The following NPLOC4 variants were observed in gnomAD, a reference collection of about 807,000 sequenced individuals.
NPLOC4 encodes the protein NPL4 homolog, ubiquitin recognition factor.
Under a neutral mutation model 80.6 loss-of-function variants are expected in NPLOC4, and 18 were observed. The ratio of observed to expected loss-of-function variants is 0.22; its 90% CI spans 0.15 to 0.33. The LOEUF (loss-of-function observed/expected upper bound fraction) is 0.33, where lower values mean the gene tolerates loss of function less well. Ranked by LOEUF, NPLOC4 falls within the 10% of genes least tolerant of loss-of-function variation. NPLOC4 has a pLI of 1.00. For missense variants in NPLOC4, 540 were observed against 786.1 expected (o/e 0.69, Z 3.74); for synonymous variants, 313 against 301.5 (o/e 1.04, Z -0.39).
chr17:81,575,933 A>C lies in NPLOC4; in HGVS notation c.1282-3845T>G, dbSNP rs185277471. On this transcript the variant is annotated intron_variant, in intron 12 of 16. Coordinates refer to ENST00000331134, the MANE Select transcript of NPLOC4 (RefSeq NM_017921.4). ...CCTGAATAATGCTGGAAGCAAACAC[A>C]ATCTCCTATGAGTGAAAAGGCTTGT... Among the ~76,000 whole-genome samples, 12 of 152,390 alleles carry C rather than the reference A, an allele frequency of 7.9e-5. No individual in the cohort carries two copies. The East Asian group carries it at 2.3e-3, about 29-fold the overall frequency.
At position 81,629,745 on chromosome 17, in the gene NPLOC4, C is replaced by T; in HGVS notation, c.76G>A (p.Ala26Thr). The change falls in exon 2 of 17, where the codon GCA (alanine) becomes ACA (threonine). Residue 26 changes from alanine to threonine, a missense_variant. Ala to Thr is a moderately conservative substitution (Grantham distance 58). Transcript: ENST00000331134. ...GATACCTTTTTCAAAAATGTTGCTG[C>T]TGTTTCTCTCTTTGTTGCTGTGATC... ...KRITATKRET[A>T]ATFLKKVAKE... 1 of 1,613,670 alleles carries T rather than the reference C, an allele frequency of 6.2e-7. No individual in the cohort carries two copies. Among genetic ancestry groups the T allele is most frequent in the Non-Finnish European group, 8.5e-7 (1 of 1,179,636 alleles).
At chr17:81,621,613 C>A (rs1474868014) in intron 3 of NPLOC4, among the ~76,000 whole-genome samples, 2 of 152,238 alleles carry the variant, frequency 1.3e-5, no homozygotes, top group Non-Finnish European at 2.9e-5. Context: ...GCAGGCCTCA[C>A]GGTCTATCAC....
At position 81,598,457 on chromosome 17, in the gene NPLOC4, G is replaced by A. The variant is rs566038278; in HGVS notation, c.922-1141C>T. Among the ~76,000 whole-genome samples the A allele has an allele frequency of 7.2e-5, 11 of 152,332 alleles. No individual in the cohort carries two copies. The South Asian group carries it at 2.1e-3, about 29-fold the overall frequency. On this transcript the variant is annotated intron_variant, in intron 9 of 16. Transcript: ENST00000331134. ...CAAGCAAGCAAATAAACATTTCAGA[G>A]AGTAGGTCTTTCCTGACAAGCTAAG... is the stretch of plus-strand genomic sequence containing the variant.
intron 8 of NPLOC4, among the ~76,000 whole-genome samples, chr17:81,604,315 T>C (rs1417043886): frequency 6.6e-6 from 1 of 152,068 alleles, no homozygotes; most frequent in Non-Finnish European, 1.5e-5. Context: ...GGATCAATAG[T>C]GGCAAATGTA....
chr17:81,633,052 C>A, intron 1 of NPLOC4, among the ~76,000 whole-genome samples: 1 of 151,094 alleles, frequency 6.6e-6, no homozygotes, highest in Admixed American at 6.6e-5. Flanking sequence ...ATGGCGTGAA[C>A]CCAGGAGGCA....
chr17:81,634,690 A>G (rs937349161), intron 1 of NPLOC4, among the ~76,000 whole-genome samples: 5 of 150,982 alleles, frequency 3.3e-5, no homozygotes, highest in African/African-American at 1.2e-4. Context: ...GGTTTGAGCG[A>G]TTCCCCTCCC....
At chr17:81,579,839 C>A (rs1348205933) in intron 12 of NPLOC4, among the ~76,000 whole-genome samples, 1 of 152,048 alleles carries the variant, frequency 6.6e-6, no homozygotes, top group Non-Finnish European at 1.5e-5. Context: ...TGAAACCCCC[C>A]GAAAGAGTCA....
intron 15 of NPLOC4, 57 bp from the exon 16 acceptor site, chr17:81,565,664 T>G: frequency 7.6e-7 from 1 of 1,315,376 alleles, no homozygotes; most frequent in Non-Finnish European, 1.0e-6. Context: ...AGCAGCTTCC[T>G]GCTAGAACAG....
At chr17:81,593,522 G>C (rs958626096) in intron 11 of NPLOC4, among the ~76,000 whole-genome samples, 1 of 151,564 alleles carries the variant, frequency 6.6e-6, no homozygotes, top group African/African-American at 2.4e-5. Context: ...TCTGTGTGTC[G>C]GCAGCCTACA....
chr17:81,580,320 C>T lies in NPLOC4; in HGVS notation c.1282-8232G>A, dbSNP rs973597186. On this transcript the variant is annotated intron_variant, in intron 12 of 16. Coordinates refer to ENST00000331134, the MANE Select transcript of NPLOC4 (RefSeq NM_017921.4). This position sits in a 1 kb window ranked among gnomAD's most constrained non-coding sequence, Gnocchi z 4.4. ...CCTGGAGTCTGCCTGCCTCTTCTCT[C>T]GATCACACCACACACTCAACCCCCT... Among the ~76,000 whole-genome samples the T allele has an allele frequency of 2.0e-5, 3 of 152,196 alleles. No homozygotes were observed. Among genetic ancestry groups the T allele is most frequent in the East Asian group, 3.9e-4 (2 of 5,192 alleles).
rs1053924832 is a variant in NPLOC4, at chr17:81,559,109, T to G, written c.*150A>C. On this transcript the variant is annotated 3_prime_UTR_variant, in exon 17 of 17. Transcript: ENST00000331134. ...TCCAGGGAGGAACGTGCTGAGAAGC[T>G]TCAGTGGGTCAGGGAGCCCAGGACA... 8.2e-6 allele frequency: 7 copies of G among 854,378 alleles called. No individual in the cohort carries two copies. The highest frequency in any genetic ancestry group is 1.0e-5 in the Non-Finnish European group (6 of 572,406). The allele number at this position is 854,378 out of a possible 1,614,324, so 52.9% of individuals were successfully genotyped here.
chr17:81,623,714 C>T (rs1368083322), intron 2 of NPLOC4, among the ~76,000 whole-genome samples: 1 of 151,052 alleles, frequency 6.6e-6, no homozygotes, highest in Non-Finnish European at 1.5e-5. Flanking sequence ...AGGAGAGTGG[C>T]GTGAACCCGG....
rs545955099 is a variant in NPLOC4, at chr17:81,582,954, C to T, written c.1281+5990G>A. On this transcript the variant is annotated intron_variant, in intron 12 of 16. Coordinates refer to ENST00000331134, the MANE Select transcript of NPLOC4 (RefSeq NM_017921.4). ...ACACACAAAAACCCAAGGAGCCTCC[C>T]GGCCAGGGCCAGGCCTCCTCCCTGC... is the stretch of plus-strand genomic sequence containing the variant. Among the ~76,000 whole-genome samples, 11 of 152,400 alleles carry T rather than the reference C, an allele frequency of 7.2e-5. No homozygotes were observed. The East Asian group carries it at 1.5e-3, about 21-fold the overall frequency.
chr17:81,567,276 T>A lies in NPLOC4; in HGVS notation c.1566+141A>T. On this transcript the variant is annotated intron_variant, in intron 15 of 16. Transcript: ENST00000331134. This position sits in a 1 kb window ranked among gnomAD's most constrained non-coding sequence, Gnocchi z 4.5. ...GCCTACACTCTGCCCATAGGACAAA[T>A]GAGGGGGACAACCTGTGACCCCGAG... 3.2e-6 allele frequency: 2 copies of A among 626,940 alleles called. No individual in the cohort carries two copies. Among genetic ancestry groups the A allele is most frequent in the Admixed American group, 2.8e-5 (1 of 36,242 alleles). The allele number at this position is 626,940 out of a possible 1,614,324, so 38.8% of individuals were successfully genotyped here.
At chr17:81,598,747 T>C (rs1011345564) in intron 9 of NPLOC4, among the ~76,000 whole-genome samples, 7 of 152,086 alleles carry the variant, frequency 4.6e-5, no homozygotes, top group African/African-American at 1.2e-4. Flanking sequence ...GTCCCGGCAA[T>C]TGTCACTTCT....
At chr17:81,590,654 T>C (rs969093154) in intron 11 of NPLOC4, among the ~76,000 whole-genome samples, 2 of 150,896 alleles carry the variant, frequency 1.3e-5, no homozygotes, top group Admixed American at 6.7e-5. Flanking sequence ...CCCTCAACAT[T>C]TGTTATAGTT....
Position 81,609,590 on chromosome 17 carries a change from G to A in NPLOC4, c.435+620C>T, listed in dbSNP as rs530865781. The stretch of plus-strand genomic sequence containing the variant: ...CTCCCAAAGTGTCGGGACTACAGGC[G>A]TCACTGCACATAGCCAGAAGCAAGT... On this transcript the variant is annotated intron_variant, in intron 5 of 16. Transcript: ENST00000331134. 2.1e-4 allele frequency among the ~76,000 whole-genome samples: 32 copies of A among 152,306 alleles called. No individual in the cohort carries two copies. In the South Asian group the frequency reaches 2.3e-3, roughly 11 times the overall value.
intron 9 of NPLOC4, among the ~76,000 whole-genome samples, chr17:81,599,924 G>T (rs946808398): frequency 6.6e-6 from 1 of 152,212 alleles, no homozygotes; most frequent in Non-Finnish European, 1.5e-5. Flanking sequence ...TCAATGGAAT[G>T]TCAGCCTTGA....
intron 14 of NPLOC4, among the ~76,000 whole-genome samples, chr17:81,568,611 C>T (rs2034076159): frequency 1.3e-5 from 2 of 152,164 alleles, no homozygotes; most frequent in Admixed American, 6.5e-5. Flanking sequence ...CGCTAAGCAG[C>T]AGATCAACAC....
Sources: allele counts gnomAD v4.1 joint callset (sites outside exome capture counted in the v4.1 genomes callset), GRCh38; gene constraint gnomAD v4.1.1; non-coding constraint Gnocchi (gnomAD v3.1); transcripts MANE v1.5; gene names NCBI Gene and HGNC (gene_info 2026-07-23, HGNC 2026-07-21).